Variants in AFAP1 observed in about 807,000 individuals in gnomAD.
The protein encoded by AFAP1 is actin filament-associated protein 1.
Under a neutral mutation model 93.9 loss-of-function variants are expected in AFAP1, and 75 were observed. The ratio of observed to expected loss-of-function variants is 0.80; its 90% confidence interval spans 0.66 to 0.97. AFAP1 has a LOEUF of 0.97. Ranked by LOEUF, AFAP1 falls within the 50% of genes least tolerant of loss-of-function variation. The probability of loss-of-function intolerance (pLI) is 0.00; values close to 1 mark genes in which losing one functional copy is unlikely to be tolerated. For synonymous variants in AFAP1, 517 were observed against 430.7 expected (o/e 1.20, Z -2.48); for missense variants, 1,201 against 1,050.8 (o/e 1.14, Z -1.98).
intron 14 of AFAP1, chr4:7,778,110 G>C (rs995752121): frequency 2.0e-5 from 3 of 153,258 alleles, no homozygotes; most frequent in African/African-American, 4.8e-5. Context: ...CTCTGGCTCT[G>C]TGATTTACCA....
In AFAP1 at chr4:7,797,727, G is replaced by A. The variant is rs1052098361; in HGVS notation, c.1266+2715C>T. ...GATCTAGGACTCAGACCAGCATGCT[G>A]TATGCATGGTAGTTTCCTGACTGTG... On this transcript the variant is annotated intron_variant, in intron 10 of 17. Transcript: ENST00000420658. 3.3e-5 allele frequency among the ~76,000 whole-genome samples: 5 copies of A among 152,356 alleles called. No homozygotes were observed. The East Asian group carries it at 9.6e-4, about 29-fold the overall frequency.
chr4:7,808,470 GC>G lies in AFAP1; in HGVS notation c.1054+1143del, dbSNP rs563117757. On this transcript the variant is annotated intron_variant, in intron 9 of 17. Transcript: ENST00000420658. The stretch of plus-strand genomic sequence containing the variant: ...GCTACCAGACTGGAAGCCATGGGGG[GC>G]CAGGGCTGTTGTGGTCACCAAAAGG... Among the ~76,000 whole-genome samples, 445 of 152,252 alleles carry G rather than the reference GC, an allele frequency of 2.9e-3. 2 individuals carry two copies. Among genetic ancestry groups the G allele is most frequent in the African/African-American group, 0.01 (427 of 41,542 alleles).
chr4:7,883,544 A>C (rs1048693058), intron 1 of AFAP1, among the ~76,000 whole-genome samples: 2 of 152,178 alleles, frequency 1.3e-5, no homozygotes, highest in Non-Finnish European at 2.9e-5. Context: ...AGTCAAAGCA[A>C]TAAGAAAAGA....
At chr4:7,861,517 C>T (rs1208495669) in intron 3 of AFAP1, among the ~76,000 whole-genome samples, 6 of 152,228 alleles carry the variant, frequency 3.9e-5, no homozygotes, top group East Asian at 1.9e-4. Flanking sequence ...TTCCACACAG[C>T]GCTTGAGTAA....
chr4:7,832,663 C>T (rs1711766438), intron 6 of AFAP1, among the ~76,000 whole-genome samples: 2 of 80,984 alleles, frequency 2.5e-5, no homozygotes, highest in Admixed American at 1.7e-4. Context: ...TCCTAAAATT[C>T]ATATGTTAAA....
In AFAP1 at chr4:7,939,364, G is replaced by A; in HGVS notation, c.-3+292C>T. 3.1e-6 allele frequency: 1 copy of A among 321,836 alleles called. No homozygotes were observed. Among genetic ancestry groups the A allele is most frequent in the Non-Finnish European group, 6.2e-6 (1 of 160,926 alleles). The allele number at this position is 321,836 out of a possible 1,614,324, so 19.9% of individuals were successfully genotyped here. A position where few individuals can be genotyped will look rare whatever the true frequency, so the allele number is the denominator to read the frequency against. On this transcript the variant is annotated intron_variant, in intron 1 of 17. Transcript: ENST00000420658. This position sits in a 1 kb window ranked among gnomAD's most constrained non-coding sequence, Gnocchi z 5.6. ...TCTGACGCACACGGGGACCAGCCAC[G>A]CCGCGGGGGCACCGGGCAGGAGCCA...
chr4:7,820,565 C>T (rs1720884629), intron 6 of AFAP1, among the ~76,000 whole-genome samples: 1 of 151,954 alleles, frequency 6.6e-6, no homozygotes, highest in Non-Finnish European at 1.5e-5. Flanking sequence ...AGCACAGTCT[C>T]CAAGGAGAGG....
chr4:7,808,683 G>A (rs558653523), intron 9 of AFAP1, among the ~76,000 whole-genome samples: 65 of 152,296 alleles, frequency 4.3e-4, no homozygotes, highest in African/African-American at 1.3e-3. Flanking sequence ...TCCCCAGTGT[G>A]GGGGGCTGGC....
chr4:7,921,624 C>A (rs1180969122), intron 1 of AFAP1, among the ~76,000 whole-genome samples: 2 of 152,176 alleles, frequency 1.3e-5, no homozygotes, highest in Non-Finnish European at 2.9e-5. Context: ...TCCAGCAATA[C>A]CCATCAACAT....
chr4:7,840,417 G>A (rs550474491), intron 5 of AFAP1, among the ~76,000 whole-genome samples: 4 of 150,270 alleles, frequency 2.7e-5, no homozygotes, highest in South Asian at 2.1e-4. Flanking sequence ...GGGTTCAAGC[G>A]ATTCTCCTGC....
intron 9 of AFAP1, among the ~76,000 whole-genome samples, chr4:7,805,365 G>T (rs1401495886): frequency 6.6e-6 from 1 of 152,188 alleles, no homozygotes; most frequent in Non-Finnish European, 1.5e-5. Context: ...TGAAGCCTCC[G>T]ACTTGCCCCC....
intron 3 of AFAP1, 70 bp from the exon 4 acceptor site, chr4:7,855,644 A>C: frequency 8.1e-7 from 1 of 1,231,578 alleles, no homozygotes; most frequent in Non-Finnish European, 1.2e-6. Context: ...ATTTCCAATT[A>C]ACAGGTGTGG....
chr4:7,802,871 G>A (rs867600466), intron 9 of AFAP1, among the ~76,000 whole-genome samples: 2 of 151,950 alleles, frequency 1.3e-5, no homozygotes, highest in African/African-American at 2.4e-5. Flanking sequence ...GGAAGGTCTC[G>A]ATCTCCTGAC....
intron 1 of AFAP1, among the ~76,000 whole-genome samples, chr4:7,921,001 CATAA>C (rs1030181742): frequency 2.7e-5 from 4 of 150,592 alleles, no homozygotes; most frequent in African/African-American, 7.3e-5. Context: ...CCTATATATC[CATAA>C]ATAAATAAAT....
intron 13 of AFAP1, chr4:7,779,170 G>A (rs114295690): frequency 8.9e-4 from 316 of 354,660 alleles, no homozygotes; most frequent in African/African-American, 5.7e-3. Flanking sequence ...CCAAGCTGGC[G>A]CAGGCAGCTG....
chr4:7,764,237 A>G (rs1449184604), intron 17 of AFAP1, among the ~76,000 whole-genome samples: 1 of 152,236 alleles, frequency 6.6e-6, no homozygotes, highest in African/African-American at 2.4e-5. Flanking sequence ...GACCTGGAGA[A>G]GTCTAACAAG....
At chr4:7,922,108 T>C (rs1577361772) in intron 1 of AFAP1, among the ~76,000 whole-genome samples, 2 of 152,024 alleles carry the variant, frequency 1.3e-5, no homozygotes, top group East Asian at 3.9e-4. Context: ...TGAGACTCCA[T>C]CTTGGAAAAA....
At chr4:7,905,427 G>A (rs1235139019) in intron 1 of AFAP1, among the ~76,000 whole-genome samples, 4 of 152,198 alleles carry the variant, frequency 2.6e-5, no homozygotes, top group Admixed American at 2.6e-4. Flanking sequence ...AACCACAAAA[G>A]GATAATACAT....
intron 1 of AFAP1, among the ~76,000 whole-genome samples, chr4:7,914,090 T>G (rs1719922511): frequency 6.6e-6 from 1 of 151,866 alleles, no homozygotes. Flanking sequence ...AGTCACACTC[T>G]GTCGCCCAGG....
Sources: allele counts gnomAD v4.1 joint callset (sites outside exome capture counted in the v4.1 genomes callset), GRCh38; gene constraint gnomAD v4.1.1; non-coding constraint Gnocchi (gnomAD v3.1); transcripts MANE v1.5; gene names NCBI Gene and HGNC (gene_info 2026-07-23, HGNC 2026-07-21).